VWC2L: variants seen among roughly 807,000 people sequenced by gnomAD.
The protein encoded by VWC2L is von Willebrand factor C domain containing 2 like.
In VWC2L, 10 loss-of-function variants were observed where a neutral mutation model predicts 21.6. The observed-to-expected ratio is 0.46, with a 90% CI of 0.29 to 0.78. The LOEUF (loss-of-function observed/expected upper bound fraction) is 0.78, where lower values mean the gene tolerates loss of function less well. Among genes scored for constraint, VWC2L ranks in the 30% least tolerant of loss-of-function variants. The pLI, the probability that VWC2L is intolerant of heterozygous loss-of-function variation, is 0.10. For missense variants in VWC2L, 209 were observed against 277.1 expected (o/e 0.75, Z 1.74); for synonymous variants, 96 against 94.3 (o/e 1.02, Z -0.10).
chr2:214,419,708 C>T (rs1196785466), intron 2 of VWC2L, among the ~76,000 whole-genome samples: 1 of 152,034 alleles, frequency 6.6e-6, no homozygotes, highest in African/African-American at 2.4e-5. Context: ...TCTCTGAATT[C>T]TATATTCGAA....
intron 3 of VWC2L, among the ~76,000 whole-genome samples, chr2:214,512,892 C>T (rs1294600000): frequency 6.6e-6 from 1 of 152,074 alleles, no homozygotes; most frequent in African/African-American, 2.4e-5. Context: ...AAAATACGTG[C>T]TAAGAAGGTC....
At chr2:214,503,362 A>G (rs1283569832) in intron 3 of VWC2L, among the ~76,000 whole-genome samples, 1 of 152,194 alleles carries the variant, frequency 6.6e-6, no homozygotes, top group Non-Finnish European at 1.5e-5. Flanking sequence ...ATCAGAAAAA[A>G]AAATGTAAAC....
Position 214,436,938 on chromosome 2 carries a change from T to C in VWC2L, c.520+180T>C, listed in dbSNP as rs1371881717. 2.0e-5 allele frequency among the ~76,000 whole-genome samples: 3 copies of C among 152,302 alleles called. No homozygotes were observed. In the East Asian group the frequency reaches 5.8e-4, roughly 29 times the overall value. ...GAAAATAAACCTGCAGTGGGTTTAT[T>C]GTGCAGCTTTCCATCTGGGGAATTA... On this transcript the variant is annotated intron_variant, in intron 3 of 3. Transcript: ENST00000312504.
intron 3 of VWC2L, among the ~76,000 whole-genome samples, chr2:214,554,517 G>A (rs1337956310): frequency 1.3e-5 from 2 of 152,048 alleles, no homozygotes; most frequent in Non-Finnish European, 2.9e-5. Context: ...TACAAAATTA[G>A]CCGGGTGTGG....
chr2:214,454,982 C>CA (rs1703034238), intron 3 of VWC2L, among the ~76,000 whole-genome samples: 1 of 151,862 alleles, frequency 6.6e-6, no homozygotes, highest in Non-Finnish European at 1.5e-5. Context: ...TTTTAATTTG[C>CA]AAAAAATTTT....
At chr2:214,505,872 T>C (rs1195621053) in intron 3 of VWC2L, among the ~76,000 whole-genome samples, 1 of 152,132 alleles carries the variant, frequency 6.6e-6, no homozygotes, top group African/African-American at 2.4e-5. Flanking sequence ...AGCTCCAAAC[T>C]AGTCCAATCG....
chr2:214,508,604 TAG>T (rs1689004395), intron 3 of VWC2L, among the ~76,000 whole-genome samples: 1 of 152,350 alleles, frequency 6.6e-6, no homozygotes, highest in East Asian at 1.9e-4. Flanking sequence ...TGTTCTATCC[TAG>T]AGTTTCCAAT....
intron 3 of VWC2L, among the ~76,000 whole-genome samples, chr2:214,566,186 CA>C (rs1690059876): frequency 6.6e-6 from 1 of 152,134 alleles, no homozygotes; most frequent in Admixed American, 6.6e-5. Context: ...TGTTTTATAA[CA>C]CAGCAAATCA....
chr2:214,506,432 A>G (rs1688968683), intron 3 of VWC2L, among the ~76,000 whole-genome samples: 1 of 152,160 alleles, frequency 6.6e-6, no homozygotes, highest in Non-Finnish European at 1.5e-5. Context: ...CTTAACTCCT[A>G]TATCATTATT....
At chr2:214,464,887 C>T (rs546522827) in intron 3 of VWC2L, among the ~76,000 whole-genome samples, 6 of 152,150 alleles carry the variant, frequency 3.9e-5, no homozygotes, top group African/African-American at 1.2e-4. Context: ...CTTCCTTTCT[C>T]ATGCAGGAGT....
rs1690110176 is a variant in VWC2L, at chr2:214,569,053, A to C, written c.521-6619A>C. Among the ~76,000 whole-genome samples the C allele has an allele frequency of 2.6e-5, 4 of 152,318 alleles. No homozygotes were observed. The South Asian group carries it at 8.3e-4, about 32-fold the overall frequency. Reference sequence around the variant, plus strand: ...AAGGATAATCTCATAAACTAATTCAAGGCAATGTGCTAATTGCTGACACTA... The same window carrying C: ...AAGGATAATCTCATAAACTAATTCACGGCAATGTGCTAATTGCTGACACTA... On this transcript the variant is annotated intron_variant, in intron 3 of 3. Transcript: ENST00000312504.
chr2:214,422,128 T>C (rs2126172498), intron 2 of VWC2L, among the ~76,000 whole-genome samples: 1 of 152,070 alleles, frequency 6.6e-6, no homozygotes, highest in South Asian at 2.1e-4. Flanking sequence ...GACCTCGTGA[T>C]CCGCCCGTCT....
chr2:214,563,840 G>A (rs1399628062), intron 3 of VWC2L, among the ~76,000 whole-genome samples: 3 of 152,158 alleles, frequency 2.0e-5, no homozygotes, highest in South Asian at 4.1e-4. Flanking sequence ...TTCTGGCCAG[G>A]GAACTCTGAC....
intron 3 of VWC2L, among the ~76,000 whole-genome samples, chr2:214,499,848 G>A (rs546526050): frequency 6.6e-6 from 1 of 152,252 alleles, no homozygotes; most frequent in African/African-American, 2.4e-5. Flanking sequence ...CAAAGTGTCA[G>A]ACACTTTTCT....
At chr2:214,441,404 A>T (rs535802586) in intron 3 of VWC2L, among the ~76,000 whole-genome samples, 29 of 152,124 alleles carry the variant, frequency 1.9e-4, no homozygotes, top group African/African-American at 3.9e-4. Flanking sequence ...TAATAAATAT[A>T]TAAAAAATAT....
chr2:214,459,165 CCTT>C, intron 3 of VWC2L, among the ~76,000 whole-genome samples: 1 of 152,006 alleles, frequency 6.6e-6, no homozygotes, highest in East Asian at 1.9e-4. Context: ...ATTATAATAA[CCTT>C]CTTTATCTCT....
chr2:214,470,080 T>C (rs887534998), intron 3 of VWC2L, among the ~76,000 whole-genome samples: 1 of 152,122 alleles, frequency 6.6e-6, no homozygotes, highest in African/African-American at 2.4e-5. Context: ...GAACTATTAG[T>C]ATATGCAAAA....
chr2:214,557,048 A>G (rs1689884302), intron 3 of VWC2L, among the ~76,000 whole-genome samples: 1 of 152,132 alleles, frequency 6.6e-6, no homozygotes, highest in Non-Finnish European at 1.5e-5. Flanking sequence ...TTGGGGAGAG[A>G]GTGGGAGTAA....
chr2:214,469,382 G>C (rs543870714), intron 3 of VWC2L, among the ~76,000 whole-genome samples: 74 of 152,076 alleles, frequency 4.9e-4, no homozygotes, highest in Non-Finnish European at 4.9e-4. Flanking sequence ...GGTGGATCAC[G>C]AGGCCAGGAG....
Sources: allele counts gnomAD v4.1 joint callset (sites outside exome capture counted in the v4.1 genomes callset), GRCh38; gene constraint gnomAD v4.1.1; transcripts MANE v1.5; gene names NCBI Gene and HGNC (gene_info 2026-07-23, HGNC 2026-07-21).